The following FAM193A variants were observed in gnomAD, a reference collection of about 807,000 sequenced individuals.
The protein encoded by FAM193A is protein FAM193A.
FAM193A carries 22 observed loss-of-function variants against 126.5 expected under a neutral mutation model. The ratio of observed to expected loss-of-function variants is 0.17; its 90% CI spans 0.12 to 0.25. The LOEUF is 0.25. Among genes scored for constraint, FAM193A ranks in the 10% least tolerant of loss-of-function variants. The pLI is 1.00. For missense variants in FAM193A, 1,675 were observed against 1,672.8 expected, an observed-to-expected ratio of 1.00 and a Z score of -0.02; for synonymous variants, 761 against 646.8, an observed-to-expected ratio of 1.18 and a Z score of -2.68.
At chr4:2,545,928 T>C (rs1737517924) in intron 1 of FAM193A, among the ~76,000 whole-genome samples, 1 of 152,100 alleles carries the variant, frequency 6.6e-6, no homozygotes, top group Non-Finnish European at 1.5e-5. Context: ...GGCGGGCGGA[T>C]TATGAGGTCA....
chr4:2,624,828 C>T (rs944970695), intron 2 of FAM193A, among the ~76,000 whole-genome samples: 8 of 152,184 alleles, frequency 5.3e-5, no homozygotes, highest in Admixed American at 2.0e-4. Context: ...AGGCGTGAAC[C>T]GCCATGCCCA....
intron 1 of FAM193A, among the ~76,000 whole-genome samples, chr4:2,566,263 G>A (rs954655419): frequency 3.9e-5 from 6 of 152,074 alleles, no homozygotes; most frequent in African/African-American, 1.2e-4. Context: ...TAGCCAGCAT[G>A]GTCTCGATCT....
chr4:2,551,240 AAT>A (rs1737901852), intron 1 of FAM193A, among the ~76,000 whole-genome samples: 1 of 152,150 alleles, frequency 6.6e-6, no homozygotes, highest in Non-Finnish European at 1.5e-5. Context: ...CCTTATCTCA[AAT>A]GTTTGGAACC....
rs142407883 is a variant in FAM193A, at chr4:2,693,761, C to A, written c.2979C>A (p.Phe993Leu). Reference protein sequence around the residue: ...PHLANLAAPSFPKTATTTPGF... With the variant: ...PHLANLAAPSLPKTATTTPGF... ...TTGCAAATCTTGCAGCCCCATCATT[C>A]CCCAAAACAGCAACCACAACTCCTG... Residue 993 changes from phenylalanine to leucine, a missense_variant, in exon 16 of 21, where the codon TTC becomes TTA. By Grantham distance (22) the Phe-to-Leu change is conservative. Transcript: ENST00000637812. The A allele has an allele frequency of 3.7e-6, 6 of 1,614,108 alleles. No individual in the cohort carries two copies. In the African/African-American group the frequency reaches 6.7e-5, roughly 18 times the overall value.
chr4:2,588,608 T>C (rs1015477498), intron 1 of FAM193A, among the ~76,000 whole-genome samples: 1 of 152,188 alleles, frequency 6.6e-6, no homozygotes, highest in Non-Finnish European at 1.5e-5. Flanking sequence ...ATGGCTACTT[T>C]GGATTTGCTT....
intron 6 of FAM193A, among the ~76,000 whole-genome samples, chr4:2,642,472 G>A (rs1219959718): frequency 1.3e-5 from 2 of 152,150 alleles, no homozygotes; most frequent in Non-Finnish European, 2.9e-5. Flanking sequence ...TCTGACCCTT[G>A]CAGAAGAAAA....
chr4:2,631,028 G>C lies in FAM193A; in HGVS notation c.897G>C (p.Gln299His). 1 of 1,613,586 alleles carries C rather than the reference G, an allele frequency of 6.2e-7. No individual in the cohort carries two copies. Among genetic ancestry groups the C allele is most frequent in the Non-Finnish European group, 8.5e-7 (1 of 1,180,026 alleles). The change falls in exon 5 of 21, where the codon CAG becomes CAC. Residue 299 changes from glutamine (Q) to histidine (H), a missense_variant. Coordinates refer to ENST00000637812, the MANE Select transcript of FAM193A (RefSeq NM_001366318.2). ...AGATGAAGGTCCGCCTGCTCCGGCA[G>C]CTGTCGGCTGCGGCCAAGGTGAAGG... ...VLEMKVRLLR[Q>H]LSAAAKVKAP...
At chr4:2,601,013 A>G (rs1279082450) in intron 2 of FAM193A, among the ~76,000 whole-genome samples, 2 of 152,192 alleles carry the variant, frequency 1.3e-5, no homozygotes, top group Non-Finnish European at 2.9e-5. Context: ...GCGGCTACAC[A>G]GGAGGCTGAG....
chr4:2,582,239 G>A (rs1028960105), intron 1 of FAM193A, among the ~76,000 whole-genome samples: 1 of 151,794 alleles, frequency 6.6e-6, no homozygotes, highest in East Asian at 2.0e-4. Context: ...CTGCAGCTTC[G>A]ACCTCCCAGG....
At chr4:2,612,708 GACC>G (rs1164422078) in intron 2 of FAM193A, among the ~76,000 whole-genome samples, 6 of 152,072 alleles carry the variant, frequency 3.9e-5, no homozygotes, top group African/African-American at 7.2e-5. Context: ...ATTACCTTGG[GACC>G]TTTGTCAAAA....
intron 18 of FAM193A, among the ~76,000 whole-genome samples, chr4:2,699,344 A>T (rs1277673357): frequency 6.7e-6 from 1 of 148,558 alleles, no homozygotes; most frequent in Non-Finnish European, 1.5e-5. Context: ...GGGGTAGCTG[A>T]CTCCCTGGAT....
At chr4:2,703,241 G>T (rs1560590934) in intron 19 of FAM193A, among the ~76,000 whole-genome samples, 2 of 151,950 alleles carry the variant, frequency 1.3e-5, no homozygotes, top group Non-Finnish European at 2.9e-5. Flanking sequence ...TAATGCTTTG[G>T]TTTTTTGTTT....
intron 2 of FAM193A, among the ~76,000 whole-genome samples, chr4:2,611,803 C>T (rs1042837183): frequency 6.6e-5 from 10 of 151,678 alleles, no homozygotes; most frequent in Non-Finnish European, 1.3e-4. Context: ...GCACTGTCCT[C>T]TGAAGAGCAA....
At chr4:2,702,885 G>A (rs1717895551) in intron 19 of FAM193A, among the ~76,000 whole-genome samples, 1 of 152,012 alleles carries the variant, frequency 6.6e-6, no homozygotes. Flanking sequence ...TTCACCTTTA[G>A]TACAATTACG....
At chr4:2,557,030 G>A (rs1738298948) in intron 1 of FAM193A, among the ~76,000 whole-genome samples, 1 of 152,168 alleles carries the variant, frequency 6.6e-6, no homozygotes, top group South Asian at 2.1e-4. Context: ...CCTACTGGAT[G>A]CCTGAAATTG....
At chr4:2,729,091 T>C (rs1241536617) in intron 20 of FAM193A, among the ~76,000 whole-genome samples, 4 of 152,008 alleles carry the variant, frequency 2.6e-5, no homozygotes, top group African/African-American at 9.7e-5. Flanking sequence ...GTTGTCACAC[T>C]GCCTCTCTAA....
In FAM193A at chr4:2,541,446, C is replaced by CTTT. The variant is rs576194070; in HGVS notation, c.255+4292_255+4294dup. Reference sequence around the variant, plus strand: ...GTCCACAGAATTAGTTCATTGTGTACTTTTTTTTTTTTTTTTTTGAGACAG... The same window carrying CTTT: ...GTCCACAGAATTAGTTCATTGTGTACTTTTTTTTTTTTTTTTTTTTTGAGACAG... On this transcript the variant is annotated intron_variant, in intron 1 of 20. Transcript: ENST00000637812. Among the ~76,000 whole-genome samples, 332 of 137,844 alleles carry CTTT rather than the reference C, an allele frequency of 2.4e-3. 1 individual carries two copies. Among genetic ancestry groups the CTTT allele is most frequent in the African/African-American group, 6.8e-3 (250 of 36,516 alleles). 90.4% of individuals were successfully genotyped at this position (137,844 alleles called of 152,430 possible).
chr4:2,552,417 C>G (rs1404111730), intron 1 of FAM193A, among the ~76,000 whole-genome samples: 2 of 152,094 alleles, frequency 1.3e-5, no homozygotes, highest in South Asian at 4.1e-4. Context: ...TCCCAAAGTG[C>G]TGGGATTATA....
chr4:2,599,685 C>A (rs1354608744), intron 2 of FAM193A, among the ~76,000 whole-genome samples: 1 of 152,100 alleles, frequency 6.6e-6, no homozygotes, highest in Non-Finnish European at 1.5e-5. Flanking sequence ...TTCAAACTTT[C>A]ATCTTGATCA....
Sources: gnomAD v4.1 joint callset for allele counts (sites outside exome capture counted in the v4.1 genomes callset) on GRCh38, gnomAD v4.1.1 for gene constraint, MANE v1.5 for transcripts, NCBI Gene and HGNC (gene_info 2026-07-23, HGNC 2026-07-21) for gene names.